The following CLASP2 variants were observed in gnomAD, a reference collection of about 807,000 sequenced individuals.
The protein encoded by CLASP2 is CLIP-associating protein 2.
CLASP2 carries 47 observed loss-of-function variants against 194.4 expected under a neutral mutation model. The observed-to-expected ratio is 0.24, with a 90% CI of 0.19 to 0.31. CLASP2 has a LOEUF of 0.31. CLASP2 is among the 10% of genes least tolerant of loss of function. The pLI is 1.00. For missense variants in CLASP2, 1,445 were observed against 1,823.6 expected (o/e 0.79, Z 3.78); for synonymous variants, 619 against 633.5 (o/e 0.98, Z 0.34).
intron 6 of CLASP2, among the ~76,000 whole-genome samples, chr3:33,669,690 A>C (rs2086802868): frequency 6.6e-6 from 1 of 152,158 alleles, no homozygotes; most frequent in Non-Finnish European, 1.5e-5. Context: ...TTGTAATCAG[A>C]AAAATGCATG....
intron 30 of CLASP2, among the ~76,000 whole-genome samples, chr3:33,548,893 G>A (rs1045001983): frequency 2.8e-5 from 4 of 144,164 alleles, no homozygotes; most frequent in African/African-American, 1.0e-4. Context: ...TCAGTCTCTT[G>A]AGTATCTGGG....
At chr3:33,631,178 A>G (rs1432650267) in intron 9 of CLASP2, among the ~76,000 whole-genome samples, 1 of 152,208 alleles carries the variant, frequency 6.6e-6, no homozygotes, top group Non-Finnish European at 1.5e-5. Context: ...GAGTATTCAT[A>G]CTCATCATAC....
chr3:33,639,612 T>C (rs1286262160), intron 8 of CLASP2, among the ~76,000 whole-genome samples: 3 of 152,176 alleles, frequency 2.0e-5, no homozygotes, highest in African/African-American at 4.8e-5. Context: ...TTCTTATACA[T>C]AGTAAGAAAT....
chr3:33,640,907 T>C (rs1265911983), intron 8 of CLASP2, among the ~76,000 whole-genome samples: 1 of 152,060 alleles, frequency 6.6e-6, no homozygotes, highest in Non-Finnish European at 1.5e-5. Flanking sequence ...ACGACTGATT[T>C]ATGGATGCCG....
intron 32 of CLASP2, among the ~76,000 whole-genome samples, chr3:33,541,452 A>C (rs772368204): frequency 3.3e-5 from 5 of 152,118 alleles, no homozygotes; most frequent in Non-Finnish European, 5.9e-5. Context: ...CCTAGTGTCC[A>C]TTAATTATTT....
intron 13 of CLASP2, among the ~76,000 whole-genome samples, chr3:33,611,068 G>A (rs12497098): frequency 0.069 from 10,546 of 152,196 alleles, 459 homozygotes; most frequent in Admixed American, 0.099. Flanking sequence ...ACATACACTT[G>A]ACAAATGGAG....
intron 6 of CLASP2, among the ~76,000 whole-genome samples, chr3:33,667,187 G>A (rs960580614): frequency 2.1e-4 from 32 of 151,906 alleles, no homozygotes; most frequent in African/African-American, 6.8e-4. Context: ...CGAGGCAGGC[G>A]GATCACTTGA....
intron 22 of CLASP2, among the ~76,000 whole-genome samples, chr3:33,584,311 T>C (rs1263474910): frequency 2.0e-5 from 3 of 148,398 alleles, no homozygotes; most frequent in Non-Finnish European, 3.0e-5. Context: ...AGACAGAGTC[T>C]CCGTTGCCCA....
chr3:33,601,692 T>G (rs1241641226), intron 18 of CLASP2, among the ~76,000 whole-genome samples: 1 of 152,210 alleles, frequency 6.6e-6, no homozygotes, highest in Non-Finnish European at 1.5e-5. Context: ...GTTTTTAATG[T>G]TTTTATCATC....
At chr3:33,506,048 T>C (rs2048083676) in intron 37 of CLASP2, among the ~76,000 whole-genome samples, 1 of 152,076 alleles carries the variant, frequency 6.6e-6, no homozygotes, top group Non-Finnish European at 1.5e-5. Flanking sequence ...GTAAACTTCA[T>C]GAAGTATTTA....
intron 8 of CLASP2, 149 bp from the exon 9 acceptor site, chr3:33,632,520 C>G (rs1379999470): frequency 3.1e-6 from 2 of 635,570 alleles, no homozygotes; most frequent in East Asian, 5.7e-5. Flanking sequence ...TAAAAAATCT[C>G]CAACTTTCAG....
intron 30 of CLASP2, chr3:33,545,162 G>A (rs929458538): frequency 3.6e-5 from 6 of 166,702 alleles, no homozygotes; most frequent in Non-Finnish European, 7.6e-5. Context: ...CCTAATAAAC[G>A]ATTACAAGGA....
intron 11 of CLASP2, among the ~76,000 whole-genome samples, chr3:33,621,277 T>C (rs2077066012): frequency 6.6e-6 from 1 of 152,172 alleles, no homozygotes; most frequent in South Asian, 2.1e-4. Context: ...ATGTTTTACA[T>C]ATATTGTCCA....
intron 2 of CLASP2, among the ~76,000 whole-genome samples, chr3:33,692,059 C>T (rs2091412940): frequency 6.6e-6 from 1 of 152,080 alleles, no homozygotes; most frequent in Non-Finnish European, 1.5e-5. Context: ...AGCCCAGCTA[C>T]TTGGGAGGCT....
intron 6 of CLASP2, among the ~76,000 whole-genome samples, chr3:33,670,738 G>A (rs958265300): frequency 6.6e-6 from 1 of 152,142 alleles, no homozygotes; most frequent in African/African-American, 2.4e-5. Flanking sequence ...GATCAGAGTG[G>A]ACAACTCTTG....
chr3:33,637,699 G>A (rs576389541), intron 8 of CLASP2, among the ~76,000 whole-genome samples: 1 of 152,296 alleles, frequency 6.6e-6, no homozygotes, highest in African/African-American at 2.4e-5. Context: ...AGACAGATAG[G>A]TGGAGGAAAA....
intron 34 of CLASP2, among the ~76,000 whole-genome samples, chr3:33,530,485 A>T (rs534537767): frequency 6.6e-6 from 1 of 152,258 alleles, no homozygotes; most frequent in African/African-American, 2.4e-5. Context: ...TAAATAAACA[A>T]ATAAATAAAC....
Position 33,516,084 on chromosome 3 carries a change from T to C in CLASP2, c.4049A>G (p.Lys1350Arg), listed in dbSNP as rs1233582638. The change falls in exon 36 of 39, where the codon AAA becomes AGA. Residue 1350 changes from lysine to arginine, a missense_variant. By Grantham distance (26) the Lys-to-Arg change is conservative. Around this residue, in one of 4 missense-constraint regions of CLASP2, gnomAD observed 732 missense variants for 987.9 expected, o/e 0.74. Coordinates refer to ENST00000682230, the MANE Select transcript of CLASP2 (RefSeq NM_001365631.1). ...EILRHQPARF[K>R]NYAELTVMKT... ...CATGACAGTCAATTCTGCATAGTTT[T>C]TAAATCTTGCTGGTTGATGCCTTAG... 1 of 1,610,622 alleles carries C rather than the reference T, an allele frequency of 6.2e-7. No individual in the cohort carries two copies. The highest frequency in any genetic ancestry group is 1.7e-5 in the Admixed American group (1 of 59,622).
At chr3:33,648,973 A>G (rs1014471988) in intron 7 of CLASP2, among the ~76,000 whole-genome samples, 2 of 152,180 alleles carry the variant, frequency 1.3e-5, no homozygotes, top group African/African-American at 4.8e-5. Flanking sequence ...CACTGTTCAA[A>G]ATCCTCCTAT....
Sources: allele counts gnomAD v4.1 joint callset (sites outside exome capture counted in the v4.1 genomes callset), GRCh38; gene constraint gnomAD v4.1.1; regional missense constraint gnomAD v4.1.1; transcripts MANE v1.5; gene names NCBI Gene and HGNC (gene_info 2026-07-23, HGNC 2026-07-21).